Variants in NRP1 observed in about 807,000 individuals in gnomAD.
NRP1 encodes the protein neuropilin-1.
In NRP1, 35 loss-of-function variants were observed where a neutral mutation model predicts 106.7. The ratio of observed to expected loss-of-function variants is 0.33; its 90% CI spans 0.25 to 0.43. The LOEUF is 0.43. NRP1 is among the 20% of genes least tolerant of loss of function. The pLI, the probability that NRP1 is intolerant of heterozygous loss-of-function variation, is 1.00. For synonymous variants in NRP1, 437 were observed against 417.9 expected, an observed-to-expected ratio of 1.05 and a Z score of -0.56; for missense variants, 1,024 against 1,170.4, an observed-to-expected ratio of 0.87 and a Z score of 1.83.
At chr10:33,186,857 C>CTTAT (rs201603765) in intron 13 of NRP1, among the ~76,000 whole-genome samples, 14,703 of 151,182 alleles carry the variant, frequency 0.097, 918 homozygotes, top group Admixed American at 0.2. Flanking sequence ...TTAGAGAAAC[C>CTTAT]TTATTTATTT....
chr10:33,182,770 A>T, intron 15 of NRP1, 22 bp from the exon 16 acceptor site: 4 of 1,600,750 alleles, frequency 2.5e-6, no homozygotes, highest in Non-Finnish European at 3.4e-6. Context: ...AACAAAATTG[A>T]AAGAGATATT....
intron 15 of NRP1, among the ~76,000 whole-genome samples, chr10:33,184,097 C>T (rs576370263): frequency 2.6e-5 from 4 of 152,162 alleles, no homozygotes; most frequent in African/African-American, 4.8e-5. Flanking sequence ...CTGCAACTTC[C>T]GCCTCCTGGG....
intron 7 of NRP1, among the ~76,000 whole-genome samples, chr10:33,223,185 T>C (rs1839394113): frequency 6.6e-6 from 1 of 152,180 alleles, no homozygotes; most frequent in Non-Finnish European, 1.5e-5. Context: ...CTCCCCATCT[T>C]TCCAGGTGAG....
chr10:33,190,777 T>G (rs1410314467), intron 13 of NRP1, among the ~76,000 whole-genome samples: 1 of 152,098 alleles, frequency 6.6e-6, no homozygotes, highest in African/African-American at 2.4e-5. Context: ...TGAGTGTGTA[T>G]ATGTGTGTGT....
intron 8 of NRP1, among the ~76,000 whole-genome samples, chr10:33,218,267 A>C (rs376529632): frequency 2.1e-4 from 32 of 152,260 alleles, no homozygotes; most frequent in African/African-American, 7.7e-4. Context: ...GGTTTGTTCC[A>C]ATCTTATTTT....
At chr10:33,260,152 C>G (rs1321015110) in intron 4 of NRP1, among the ~76,000 whole-genome samples, 1 of 152,130 alleles carries the variant, frequency 6.6e-6, no homozygotes, top group Non-Finnish European at 1.5e-5. Flanking sequence ...GAGTAAGCCA[C>G]CACACCTGGC....
At chr10:33,285,554 G>C (rs1244115767) in intron 2 of NRP1, among the ~76,000 whole-genome samples, 2 of 152,274 alleles carry the variant, frequency 1.3e-5, no homozygotes, top group East Asian at 3.9e-4. Flanking sequence ...CCTACAGGAA[G>C]GGGGCTGGGT....
At chr10:33,263,513 A>T (rs1842713641) in intron 4 of NRP1, 133 bp downstream of exon 4, 1 of 627,572 alleles carries the variant, frequency 1.6e-6, no homozygotes, top group African/African-American at 1.8e-5. Flanking sequence ...CTGAATATAG[A>T]GAGTTTTGCT....
At chr10:33,247,846 G>A (rs2133122726) in intron 6 of NRP1, among the ~76,000 whole-genome samples, 1 of 152,292 alleles carries the variant, frequency 6.6e-6, no homozygotes. Flanking sequence ...GTAAGACCGT[G>A]ATTTCTCACA....
chr10:33,287,256 T>C (rs1289070746), intron 2 of NRP1, among the ~76,000 whole-genome samples: 1 of 152,200 alleles, frequency 6.6e-6, no homozygotes. Context: ...AAAAATACTT[T>C]CTCATTAATG....
chr10:33,333,003 A>C (rs1848393543), intron 1 of NRP1, among the ~76,000 whole-genome samples: 2 of 152,208 alleles, frequency 1.3e-5, no homozygotes, highest in South Asian at 4.2e-4. Flanking sequence ...TAGTCTCAAG[A>C]GTTGTGGAGG....
Position 33,330,645 on chromosome 10 carries a change from C to A in NRP1, c.248+63G>T, listed in dbSNP as rs908470609. On this transcript the variant is annotated intron_variant, in intron 2 of 16. Coordinates refer to ENST00000374867, the MANE Select transcript of NRP1 (RefSeq NM_003873.7). ...TACATTGTACACACCGACTTCCCCC[C>A]CGTAGACAGGCGTGACCACTAGATG... is the stretch of plus-strand genomic sequence containing the variant. The A allele has an allele frequency of 4.2e-6, 6 of 1,436,988 alleles. No individual in the cohort carries two copies. In the South Asian group the frequency reaches 5.6e-5, roughly 13 times the overall value. The allele number at this position is 1,436,988 out of a possible 1,614,324, so 89.0% of individuals were successfully genotyped here.
intron 6 of NRP1, among the ~76,000 whole-genome samples, chr10:33,242,298 A>C (rs1439475155): frequency 6.6e-6 from 1 of 152,226 alleles, no homozygotes; most frequent in African/African-American, 2.4e-5. Context: ...AATGATTGTT[A>C]AATAAATGAA....
chr10:33,221,924 T>C, intron 7 of NRP1, 61 bp from the exon 8 acceptor site: 1 of 1,536,756 alleles, frequency 6.5e-7, no homozygotes, highest in Non-Finnish European at 8.9e-7. Flanking sequence ...TCCATAAATG[T>C]GTTTTCACAA....
intron 3 of NRP1, among the ~76,000 whole-genome samples, chr10:33,264,745 T>C (rs1461198777): frequency 6.6e-6 from 1 of 152,200 alleles, no homozygotes; most frequent in African/African-American, 2.4e-5. Context: ...CTTATGCCTG[T>C]ATGAATGACT....
intron 1 of NRP1, among the ~76,000 whole-genome samples, chr10:33,332,703 A>G (rs1028418362): frequency 1.3e-5 from 2 of 152,218 alleles, no homozygotes; most frequent in Non-Finnish European, 2.9e-5. Context: ...GAATTAATTT[A>G]GCAGACACTG....
At chr10:33,188,083 A>C (rs1257833533) in intron 13 of NRP1, among the ~76,000 whole-genome samples, 1 of 152,116 alleles carries the variant, frequency 6.6e-6, no homozygotes, top group Non-Finnish European at 1.5e-5. Flanking sequence ...TGTTTTGCCC[A>C]CTAATTTATC....
At chr10:33,259,619 C>A (rs895488355) in intron 4 of NRP1, among the ~76,000 whole-genome samples, 2 of 152,132 alleles carry the variant, frequency 1.3e-5, no homozygotes, top group South Asian at 4.1e-4. Flanking sequence ...ATGTGCCAAG[C>A]TTCAGGGAGA....
At chr10:33,317,290 C>T (rs1847108111) in intron 2 of NRP1, among the ~76,000 whole-genome samples, 1 of 152,106 alleles carries the variant, frequency 6.6e-6, no homozygotes, top group African/African-American at 2.4e-5. Context: ...TGCCATGATC[C>T]CAAGCTCTTT....
Sources: allele counts gnomAD v4.1 joint callset (sites outside exome capture counted in the v4.1 genomes callset), GRCh38; gene constraint gnomAD v4.1.1; transcripts MANE v1.5; gene names NCBI Gene and HGNC (gene_info 2026-07-23, HGNC 2026-07-21).